The following NOVA1 variants were observed in gnomAD, a reference collection of about 807,000 sequenced individuals.
The protein encoded by NOVA1 is NOVA alternative splicing regulator 1.
NOVA1 carries 7 observed loss-of-function variants against 38.0 expected under a neutral mutation model. That is an observed-to-expected ratio of 0.18 (90% confidence interval 0.10 to 0.35). The LOEUF is 0.35. Among genes scored for constraint, NOVA1 ranks in the 10% least tolerant of loss-of-function variants. The probability of loss-of-function intolerance (pLI) is 1.00; values close to 1 mark genes in which losing one functional copy is unlikely to be tolerated. For synonymous variants in NOVA1, 270 were observed against 232.5 expected (o/e 1.16, Z -1.47); for missense variants, 460 against 616.0 (o/e 0.75, Z 2.68).
chr14:26,475,543 A>G (rs1323778498), intron 3 of NOVA1, among the ~76,000 whole-genome samples: 1 of 152,214 alleles, frequency 6.6e-6, no homozygotes, highest in Non-Finnish European at 1.5e-5. Context: ...CATTTTTCAA[A>G]TAATGAATGT....
chr14:26,498,742 A>G (rs1887020058), intron 2 of NOVA1, among the ~76,000 whole-genome samples: 1 of 152,320 alleles, frequency 6.6e-6, no homozygotes, highest in South Asian at 2.1e-4. Flanking sequence ...GACCTACAAA[A>G]GTGTACTGAA....
intron 2 of NOVA1, among the ~76,000 whole-genome samples, chr14:26,590,648 T>C (rs1189086977): frequency 6.6e-6 from 1 of 151,832 alleles, no homozygotes; most frequent in Non-Finnish European, 1.5e-5. Flanking sequence ...ACATACTCCT[T>C]AGCATTTTCA....
At chr14:26,547,354 C>T (rs966074345) in intron 2 of NOVA1, among the ~76,000 whole-genome samples, 4 of 151,986 alleles carry the variant, frequency 2.6e-5, no homozygotes, top group Admixed American at 1.3e-4. Flanking sequence ...TTAACTGAAA[C>T]ACCGACAGTT....
chr14:26,457,887 A>G (rs1434210784), intron 4 of NOVA1, among the ~76,000 whole-genome samples: 3 of 152,096 alleles, frequency 2.0e-5, no homozygotes, highest in Admixed American at 2.0e-4. Flanking sequence ...CCATCCCTGT[A>G]TAGGAGTAGG....
intron 2 of NOVA1, among the ~76,000 whole-genome samples, chr14:26,586,227 T>A (rs909998100): frequency 6.6e-6 from 1 of 151,456 alleles, no homozygotes; most frequent in East Asian, 1.9e-4. Context: ...TAAGTACTTT[T>A]ATGATTATAT....
chr14:26,552,733 A>G (rs1264206029), intron 2 of NOVA1, among the ~76,000 whole-genome samples: 1 of 152,196 alleles, frequency 6.6e-6, no homozygotes, highest in Non-Finnish European at 1.5e-5. Context: ...TTAAGGTATG[A>G]AAATTAGTGT....
chr14:26,481,490 T>C (rs142622786), intron 2 of NOVA1, among the ~76,000 whole-genome samples: 1 of 152,094 alleles, frequency 6.6e-6, no homozygotes, highest in African/African-American at 2.4e-5. Flanking sequence ...AGAATTAGAT[T>C]ACAGGAATTA....
At chr14:26,557,996 GAA>G (rs529682143) in intron 2 of NOVA1, among the ~76,000 whole-genome samples, 5 of 126,884 alleles carry the variant, frequency 3.9e-5, no homozygotes, top group Non-Finnish European at 3.4e-5. Context: ...CTTGTTAAAT[GAA>G]AAAAAAAAAA....
rs1432920934 is a variant in NOVA1 at position 26,537,816 on chromosome 14, CAG to C, written c.280+57592_280+57593del. ...TGAGGAGAGAACAAAGAAAACAAAA[CAG>C]AGACAGTAATGTGATAGAATGTGAA... On this transcript the variant is annotated intron_variant, in intron 2 of 4. Coordinates refer to ENST00000539517, the MANE Select transcript of NOVA1 (RefSeq NM_002515.3). Among the ~76,000 whole-genome samples the C allele has an allele frequency of 3.3e-5, 5 of 152,164 alleles. No homozygotes were observed. The East Asian group carries it at 9.7e-4, about 29-fold the overall frequency.
intron 2 of NOVA1, among the ~76,000 whole-genome samples, chr14:26,490,115 GT>G (rs1429464417): frequency 3.3e-5 from 5 of 152,108 alleles, no homozygotes; most frequent in Non-Finnish European, 7.4e-5. Context: ...CACAATATCT[GT>G]CTGGTGTCTG....
intron 2 of NOVA1, among the ~76,000 whole-genome samples, chr14:26,585,774 A>C (rs1367817576): frequency 7.0e-6 from 1 of 141,920 alleles, no homozygotes; most frequent in African/African-American, 2.6e-5. Context: ...AGTTTCTTTC[A>C]CACAGGATAG....
chr14:26,509,046 G>A (rs904652735), intron 2 of NOVA1, among the ~76,000 whole-genome samples: 1 of 152,060 alleles, frequency 6.6e-6, no homozygotes, highest in African/African-American at 2.4e-5. Context: ...AACTGCAGTA[G>A]TGTTTCTCTA....
Position 26,448,322 on chromosome 14 carries a change from G to C in NOVA1, c.1161C>G (p.Ser387Arg). 1.2e-6 allele frequency: 2 copies of C among 1,613,690 alleles called. No homozygotes were observed. The highest frequency in any genetic ancestry group is 1.7e-6 in the Non-Finnish European group (2 of 1,179,926). Residue 387 changes from serine (S) to arginine (R), a missense_variant, in exon 5 of 5, where the codon AGC (serine) becomes AGG (arginine). Transcript: ENST00000539517. This position sits in a 1 kb window ranked among gnomAD's most constrained non-coding sequence, Gnocchi z 5.3. Reference sequence around the variant, plus strand: ...TGGTTGCAGCAGTAGCAGCAGCCAGGCTACCTAATGCAAATGTCCCCGCCG... The same window carrying C: ...TGGTTGCAGCAGTAGCAGCAGCCAGCCTACCTAATGCAAATGTCCCCGCCG... ...GGTAGTFALG[S>R]LAAATAATNG... is the part of the protein sequence containing the mutation.
chr14:26,572,754 G>C (rs1478886672), intron 2 of NOVA1, among the ~76,000 whole-genome samples: 1 of 151,532 alleles, frequency 6.6e-6, no homozygotes, highest in East Asian at 1.9e-4. Flanking sequence ...GTGTGTGTGT[G>C]TGTGTGTGTG....
intron 2 of NOVA1, among the ~76,000 whole-genome samples, chr14:26,568,214 CA>C (rs1460748003): frequency 9.9e-5 from 15 of 152,180 alleles, no homozygotes; most frequent in Non-Finnish European, 5.9e-5. Flanking sequence ...AAATTCCTAT[CA>C]GGTAGTAACC....
intron 1 of NOVA1, among the ~76,000 whole-genome samples, chr14:26,596,299 T>G (rs1245444625): frequency 2.0e-5 from 3 of 152,194 alleles, no homozygotes; most frequent in Non-Finnish European, 2.9e-5. Flanking sequence ...TAAATAGGCT[T>G]AAAAGTGACA....
chr14:26,474,221 A>G (rs926022534), intron 3 of NOVA1, among the ~76,000 whole-genome samples: 1 of 151,970 alleles, frequency 6.6e-6, no homozygotes, highest in Non-Finnish European at 1.5e-5. Flanking sequence ...GTTAGAATCC[A>G]TGTTGATTAA....
chr14:26,479,738 G>C (rs1885287248), intron 3 of NOVA1: 2 of 406,550 alleles, frequency 4.9e-6, no homozygotes, highest in South Asian at 1.2e-4. Context: ...CAATCACTAA[G>C]AGTCACATAA....
At chr14:26,592,158 T>G (rs1310943579) in intron 2 of NOVA1, among the ~76,000 whole-genome samples, 1 of 151,582 alleles carries the variant, frequency 6.6e-6, no homozygotes, top group Non-Finnish European at 1.5e-5. Flanking sequence ...CTTTTCGGAT[T>G]ACCTACCTGA....
Sources: allele counts gnomAD v4.1 joint callset (sites outside exome capture counted in the v4.1 genomes callset), GRCh38; gene constraint gnomAD v4.1.1; non-coding constraint Gnocchi (gnomAD v3.1); transcripts MANE v1.5; gene names NCBI Gene and HGNC (gene_info 2026-07-23, HGNC 2026-07-21).